CSMD2: variants seen among roughly 807,000 people sequenced by gnomAD.
The protein encoded by CSMD2 is CUB and Sushi multiple domains 2, also known as CUB and sushi domain-containing protein 2.
In CSMD2, 130 loss-of-function variants were observed where a neutral mutation model predicts 398.5. That is an observed-to-expected ratio of 0.33 (90% CI 0.28 to 0.38). CSMD2 has a LOEUF of 0.38. Among genes scored for constraint, CSMD2 ranks in the 10% least tolerant of loss-of-function variants. CSMD2 has a pLI of 1.00. For synonymous variants in CSMD2, 1,828 were observed against 1,908.5 expected, an observed-to-expected ratio of 0.96 and a Z score of 1.10; for missense variants, 3,829 against 4,764.9, an observed-to-expected ratio of 0.80 and a Z score of 5.78.
chr1:33,540,559 A>G lies in CSMD2; in HGVS notation c.9597T>C (p.Asn3199=). 1 of 1,614,168 alleles carries G rather than the reference A, an allele frequency of 6.2e-7. No homozygotes were observed. The highest frequency in any genetic ancestry group is 8.5e-7 in the Non-Finnish European group (1 of 1,180,030). ...SLPAVFTCEG[N]GSWTGELPQC... is the part of the protein sequence containing the mutation. ...GAGGCAGCTCTCCGGTCCAGGACCC[A>G]TTTCCCTCACAGGTGAACACCGCGG... Residue 3199 remains asparagine, a synonymous_variant, in exon 60 of 71, where the codon AAT becomes AAC. Coordinates refer to ENST00000373381, the MANE Select transcript of CSMD2 (RefSeq NM_001281956.2).
At chr1:33,853,010 T>G (rs1410819520) in intron 5 of CSMD2, among the ~76,000 whole-genome samples, 1 of 152,214 alleles carries the variant, frequency 6.6e-6, no homozygotes, top group Non-Finnish European at 1.5e-5. Flanking sequence ...GCCTCACAGA[T>G]GATGTAGTTG....
intron 2 of CSMD2, among the ~76,000 whole-genome samples, chr1:34,063,593 G>C (rs1654768987): frequency 6.6e-6 from 1 of 152,148 alleles, no homozygotes; most frequent in Non-Finnish European, 1.5e-5. Context: ...CATAGTCTTG[G>C]GCAGCTCCGG....
At chr1:33,536,823 C>T (rs973994302) in intron 62 of CSMD2, among the ~76,000 whole-genome samples, 199 bp downstream of exon 62, 2 of 152,234 alleles carry the variant, frequency 1.3e-5, no homozygotes, top group African/African-American at 4.8e-5. Context: ...GTTTCTCTGA[C>T]GGATGTTAGG....
chr1:34,149,267 C>T (rs536088175), intron 1 of CSMD2, among the ~76,000 whole-genome samples: 15 of 152,236 alleles, frequency 9.9e-5, no homozygotes, highest in African/African-American at 2.9e-4. Context: ...GCCTGCTCCC[C>T]GCCCTGGGTC....
At chr1:33,616,673 T>C (rs1470009944) in intron 39 of CSMD2, among the ~76,000 whole-genome samples, 1 of 152,220 alleles carries the variant, frequency 6.6e-6, no homozygotes, top group Admixed American at 6.5e-5. Context: ...TGTTTTCAAA[T>C]GGGCAGACCT....
intron 42 of CSMD2, among the ~76,000 whole-genome samples, chr1:33,603,430 A>T (rs1570906814): frequency 1.3e-5 from 2 of 152,302 alleles, no homozygotes; most frequent in Middle Eastern, 3.4e-3. Flanking sequence ...TGTAGCTGAC[A>T]TGGGGCATCA....
At chr1:34,006,121 C>T (rs1647046430) in intron 3 of CSMD2, among the ~76,000 whole-genome samples, 1 of 152,118 alleles carries the variant, frequency 6.6e-6, no homozygotes, top group African/African-American at 2.4e-5. Context: ...TATACTTGGC[C>T]CTCTTAGAAC....
At chr1:33,852,710 ATCT>A (rs1345124428) in intron 5 of CSMD2, among the ~76,000 whole-genome samples, 2 of 152,296 alleles carry the variant, frequency 1.3e-5, no homozygotes, top group East Asian at 3.9e-4. Context: ...CTGGAATAAA[ATCT>A]TCTTTTTGTC....
intron 9 of CSMD2, chr1:33,814,038 C>T (rs1418644629): frequency 6.6e-6 from 1 of 152,396 alleles, no homozygotes; most frequent in Admixed American, 6.5e-5. Flanking sequence ...TTCTGAACCT[C>T]CAGTAGAGTT....
chr1:33,739,533 C>G (rs12117137), intron 14 of CSMD2, among the ~76,000 whole-genome samples, 199 bp from the exon 15 acceptor site: 1 of 152,098 alleles, frequency 6.6e-6, no homozygotes, highest in South Asian at 2.1e-4. Flanking sequence ...CCTGCCTTCC[C>G]GAGCACCTAA....
rs201162940 is a variant in CSMD2, at chr1:33,643,486, A to G, written c.4774+3162T>C. Among the ~76,000 whole-genome samples the G allele has an allele frequency of 2.6e-5, 4 of 152,348 alleles. No individual in the cohort carries two copies. The East Asian group carries it at 7.7e-4, about 29-fold the overall frequency. On this transcript the variant is annotated intron_variant, in intron 29 of 70. Transcript: ENST00000373381. ...AAGGAGGTGGGATGAAAGTGGGTGG[A>G]TCAAAGTACATATCAAATACTTATT... is the stretch of plus-strand genomic sequence containing the variant.
intron 3 of CSMD2, among the ~76,000 whole-genome samples, chr1:33,937,614 C>A (rs1279791579): frequency 6.6e-6 from 1 of 152,202 alleles, no homozygotes; most frequent in Non-Finnish European, 1.5e-5. Flanking sequence ...CCTCCCCCTT[C>A]CTCTCTTCCT....
chr1:33,908,059 C>G (rs1020896848), intron 5 of CSMD2, among the ~76,000 whole-genome samples: 27 of 132,502 alleles, frequency 2.0e-4, no homozygotes, highest in African/African-American at 8.4e-4. Flanking sequence ...GCACTCCAGC[C>G]TGGCTGACAG....
chr1:33,717,171 T>C (rs1646200331), intron 19 of CSMD2, among the ~76,000 whole-genome samples: 1 of 152,110 alleles, frequency 6.6e-6, no homozygotes, highest in Non-Finnish European at 1.5e-5. Context: ...GTGTGGCTAC[T>C]CCTGGAATTG....
At chr1:33,822,840 T>C (rs1303543451) in intron 7 of CSMD2, among the ~76,000 whole-genome samples, 1 of 152,138 alleles carries the variant, frequency 6.6e-6, no homozygotes, top group Non-Finnish European at 1.5e-5. Context: ...TTCACAGTGA[T>C]CCGTCCCTAC....
chr1:33,760,427 C>T (rs560098756), intron 13 of CSMD2, among the ~76,000 whole-genome samples: 2 of 152,326 alleles, frequency 1.3e-5, no homozygotes, highest in South Asian at 2.1e-4. Context: ...TGAGTCCACA[C>T]TCTTGGGGCT....
intron 22 of CSMD2, among the ~76,000 whole-genome samples, chr1:33,706,636 T>G (rs889508160): frequency 6.6e-6 from 1 of 152,182 alleles, no homozygotes; most frequent in Non-Finnish European, 1.5e-5. Context: ...GTTAATTTTC[T>G]TGTTGGCACA....
intron 5 of CSMD2, among the ~76,000 whole-genome samples, chr1:33,878,583 T>A (rs539529669): frequency 6.6e-6 from 1 of 152,334 alleles, no homozygotes; most frequent in African/African-American, 2.4e-5. Flanking sequence ...AAAGCAGTAG[T>A]AGAGGCCCAG....
intron 25 of CSMD2, among the ~76,000 whole-genome samples, chr1:33,681,481 C>G (rs1382145349): frequency 6.6e-6 from 1 of 152,066 alleles, no homozygotes; most frequent in Non-Finnish European, 1.5e-5. Context: ...TTCCCTATGC[C>G]CTCTCCCAAC....
Sources: gnomAD v4.1 joint callset for allele counts (sites outside exome capture counted in the v4.1 genomes callset) on GRCh38, gnomAD v4.1.1 for gene constraint, MANE v1.5 for transcripts, NCBI Gene and HGNC (gene_info 2026-07-23, HGNC 2026-07-21) for gene names.